The following CDH4 variants were observed in gnomAD, a reference collection of about 807,000 sequenced individuals.
CDH4 encodes cadherin-4.
Under a neutral mutation model 86.0 loss-of-function variants are expected in CDH4, and 33 were observed. The observed-to-expected ratio is 0.38, with a 90% CI of 0.29 to 0.51. CDH4 has a LOEUF of 0.51. Among genes scored for constraint, CDH4 ranks in the 20% least tolerant of loss-of-function variants. The pLI is 0.86. For missense variants in CDH4, 1,114 were observed against 1,307.4 expected, an observed-to-expected ratio of 0.85 and a Z score of 2.28; for synonymous variants, 555 against 549.4, an observed-to-expected ratio of 1.01 and a Z score of -0.14.
chr20:61,260,654 C>G (rs530216155), intron 2 of CDH4, among the ~76,000 whole-genome samples: 3 of 152,210 alleles, frequency 2.0e-5, no homozygotes, highest in African/African-American at 7.2e-5. Flanking sequence ...AGCACCCAGA[C>G]CCCCACTGCC....
chr20:61,588,919 C>T (rs1051960890), intron 2 of CDH4, among the ~76,000 whole-genome samples: 1 of 152,166 alleles, frequency 6.6e-6, no homozygotes, highest in Non-Finnish European at 1.5e-5. Flanking sequence ...TCTTCTGTAC[C>T]GCTCCGAGCG....
chr20:61,795,132 G>GTAGTGATGATGGTGATGGTAGTGAT (rs1568820237), intron 4 of CDH4, among the ~76,000 whole-genome samples: 63 of 133,506 alleles, frequency 4.7e-4, no homozygotes, highest in African/African-American at 1.8e-3. Flanking sequence ...GGTGATGATG[G>GTAGTGATGATGGTGATGGTAGTGAT]AAATGATGGT....
At chr20:61,345,219 G>A (rs964820153) in intron 2 of CDH4, among the ~76,000 whole-genome samples, 1 of 152,234 alleles carries the variant, frequency 6.6e-6, no homozygotes, top group African/African-American at 2.4e-5. Flanking sequence ...CATGTTTGCA[G>A]TTACCTTCAT....
intron 3 of CDH4, among the ~76,000 whole-genome samples, chr20:61,771,041 G>A (rs1195517840): frequency 9.6e-5 from 11 of 114,978 alleles, no homozygotes; most frequent in South Asian, 2.6e-4. Flanking sequence ...ACAGAGTTTC[G>A]CTCTTTTTCC....
intron 2 of CDH4, among the ~76,000 whole-genome samples, chr20:61,297,637 C>A (rs2084363245): frequency 6.6e-6 from 1 of 152,250 alleles, no homozygotes; most frequent in African/African-American, 2.4e-5. Context: ...GTGGGCCCTT[C>A]AGAAAGATTT....
At chr20:61,514,305 C>G (rs1026587342) in intron 2 of CDH4, among the ~76,000 whole-genome samples, 1 of 119,986 alleles carries the variant, frequency 8.3e-6, no homozygotes, top group African/African-American at 4.0e-5. Flanking sequence ...GGCCTCAGTC[C>G]GCCCCCCCCG....
intron 2 of CDH4, among the ~76,000 whole-genome samples, chr20:61,449,329 A>T (rs2085368052): frequency 6.6e-6 from 1 of 152,100 alleles, no homozygotes; most frequent in Admixed American, 6.5e-5. Context: ...GGAAATTAAA[A>T]CCATTCATTT....
rs1039767835 is a variant in CDH4 at position 61,848,333 on chromosome 20, C to T, written c.732+3510C>T. Among the ~76,000 whole-genome samples, 5 of 151,582 alleles carry T rather than the reference C, an allele frequency of 3.3e-5. No homozygotes were observed. In the East Asian group the frequency reaches 5.8e-4, roughly 18 times the overall value. ...CAGCCACCCACGTGGCTTGCCAGTGCGCAGACACTTTTGCACACACGTTGC... is the reference window on the plus strand; with the variant it reads ...CAGCCACCCACGTGGCTTGCCAGTGTGCAGACACTTTTGCACACACGTTGC... On this transcript the variant is annotated intron_variant, in intron 5 of 15. Transcript: ENST00000614565.
chr20:61,338,298 A>C (rs1190987239), intron 2 of CDH4, among the ~76,000 whole-genome samples: 1 of 152,212 alleles, frequency 6.6e-6, no homozygotes, highest in Non-Finnish European at 1.5e-5. Context: ...AGAGAAAAAA[A>C]AATCAGGGTA....
At chr20:61,478,713 C>G (rs73318389) in intron 2 of CDH4, among the ~76,000 whole-genome samples, 5,173 of 152,232 alleles carry the variant, frequency 0.034, 305 homozygotes, top group African/African-American at 0.12. Context: ...ATCACGGTGA[C>G]GTGAAAAATG....
intron 2 of CDH4, among the ~76,000 whole-genome samples, chr20:61,539,463 G>A (rs1039244299): frequency 3.3e-5 from 5 of 152,250 alleles, no homozygotes; most frequent in Middle Eastern, 3.4e-3. Context: ...GTGTCCTCAC[G>A]GAGTCGTCCC....
intron 5 of CDH4, among the ~76,000 whole-genome samples, chr20:61,851,364 G>A (rs1348565424): frequency 2.0e-5 from 3 of 152,170 alleles, no homozygotes; most frequent in Non-Finnish European, 2.9e-5. Context: ...CAAAACACTG[G>A]TATAGGCATG....
intron 2 of CDH4, among the ~76,000 whole-genome samples, chr20:61,613,789 A>G (rs758053741): frequency 6.6e-6 from 1 of 150,966 alleles, no homozygotes; most frequent in Non-Finnish European, 1.5e-5. Flanking sequence ...TTGTGGAGCC[A>G]TCGACTCTAC....
chr20:61,374,535 G>T (rs2084856460), intron 2 of CDH4, among the ~76,000 whole-genome samples: 1 of 152,190 alleles, frequency 6.6e-6, no homozygotes, highest in Admixed American at 6.5e-5. Context: ...AGTTTCCTCA[G>T]CTGTGAGATG....
intron 1 of CDH4, 29 bp from the exon 2 acceptor site, chr20:61,254,797 G>A: frequency 5.3e-6 from 7 of 1,322,556 alleles, no homozygotes; most frequent in Non-Finnish European, 7.7e-6. Context: ...TGAACTTATT[G>A]TTTTACACTC....
At chr20:61,668,335 G>T (rs1185112043) in intron 2 of CDH4, among the ~76,000 whole-genome samples, 1 of 152,200 alleles carries the variant, frequency 6.6e-6, no homozygotes, top group Admixed American at 6.5e-5. Flanking sequence ...GGGGAATTTA[G>T]CCCAGGCTGC....
chr20:61,406,065 G>A (rs2085080238), intron 2 of CDH4, among the ~76,000 whole-genome samples: 1 of 152,136 alleles, frequency 6.6e-6, no homozygotes, highest in Admixed American at 6.5e-5. Flanking sequence ...CAGCCCCTTG[G>A]TGTGGATCAA....
intron 2 of CDH4, among the ~76,000 whole-genome samples, chr20:61,294,454 A>G (rs993149891): frequency 6.6e-6 from 1 of 152,130 alleles, no homozygotes; most frequent in Non-Finnish European, 1.5e-5. Context: ...TCCTACTCAC[A>G]GCTCCCAGAG....
At chr20:61,389,631 G>C (rs960813005) in intron 2 of CDH4, among the ~76,000 whole-genome samples, 1 of 152,140 alleles carries the variant, frequency 6.6e-6, no homozygotes, top group Non-Finnish European at 1.5e-5. Context: ...ATAGATCGAC[G>C]CTTCTCAACT....
Sources: gnomAD v4.1 joint callset for allele counts (sites outside exome capture counted in the v4.1 genomes callset) on GRCh38, gnomAD v4.1.1 for gene constraint, MANE v1.5 for transcripts, NCBI Gene and HGNC (gene_info 2026-07-23, HGNC 2026-07-21) for gene names.